The following DNAH7 variants were observed in gnomAD, a reference collection of about 807,000 sequenced individuals.
DNAH7 encodes axonemal beta dynein heavy chain 7.
In DNAH7, 397 loss-of-function variants were observed where a neutral mutation model predicts 444.6. The ratio of observed to expected loss-of-function variants is 0.89; its 90% CI spans 0.82 to 0.97. The LOEUF (loss-of-function observed/expected upper bound fraction) is 0.97, where lower values mean the gene tolerates loss of function less well. DNAH7 is among the 50% of genes least tolerant of loss of function. DNAH7 has a pLI of 0.00. For synonymous variants in DNAH7, 1,636 were observed against 1,624.4 expected (o/e 1.01, Z -0.17); for missense variants, 4,902 against 4,800.8 (o/e 1.02, Z -0.62).
At chr2:195,768,329 A>T (rs1011241853) in intron 61 of DNAH7, among the ~76,000 whole-genome samples, 1 of 151,260 alleles carries the variant, frequency 6.6e-6, no homozygotes, top group Non-Finnish European at 1.5e-5. Context: ...TCACAAATTG[A>T]GTCAAACAAT....
chr2:195,965,378 G>T (rs1442132624), intron 17 of DNAH7, among the ~76,000 whole-genome samples: 1 of 152,098 alleles, frequency 6.6e-6, no homozygotes, highest in Non-Finnish European at 1.5e-5. Flanking sequence ...CCAGTATTTT[G>T]TTGAGGATTT....
chr2:196,056,109 G>A (rs939026404), intron 2 of DNAH7, among the ~76,000 whole-genome samples: 8 of 152,168 alleles, frequency 5.3e-5, no homozygotes, highest in Non-Finnish European at 8.8e-5. Context: ...TTCCAGACAT[G>A]GCTGCAGTAA....
intron 33 of DNAH7, among the ~76,000 whole-genome samples, chr2:195,888,040 TTC>T (rs1350507488): frequency 2.0e-5 from 3 of 152,192 alleles, no homozygotes; most frequent in African/African-American, 7.2e-5. Flanking sequence ...GGCCTTTGAG[TTC>T]TCTTTTTTTT....
intron 12 of DNAH7, among the ~76,000 whole-genome samples, chr2:195,993,006 G>A (rs1444349428): frequency 2.0e-5 from 3 of 152,110 alleles, no homozygotes; most frequent in Non-Finnish European, 4.4e-5. Flanking sequence ...TCACACAATG[G>A]GAATGTCTTT....
chr2:195,823,718 C>T (rs1307739054), intron 49 of DNAH7, among the ~76,000 whole-genome samples: 3 of 152,046 alleles, frequency 2.0e-5, no homozygotes, highest in African/African-American at 7.2e-5. Context: ...AAGGTGTAGG[C>T]CATAAACCTA....
intron 59 of DNAH7, 48 bp from the exon 60 acceptor site, chr2:195,776,031 T>G: frequency 6.3e-7 from 1 of 1,599,322 alleles, no homozygotes; most frequent in Non-Finnish European, 8.5e-7. Context: ...ATCAATTACT[T>G]TCTAGAACTT....
intron 15 of DNAH7, among the ~76,000 whole-genome samples, chr2:195,974,201 A>C (rs1692037120): frequency 6.6e-6 from 1 of 152,230 alleles, no homozygotes; most frequent in Non-Finnish European, 1.5e-5. Context: ...TTCTAATTAG[A>C]CTAAATGCTT....
chr2:195,917,369 C>G (rs919164952), intron 24 of DNAH7, among the ~76,000 whole-genome samples: 1 of 152,146 alleles, frequency 6.6e-6, no homozygotes, highest in African/African-American at 2.4e-5. Flanking sequence ...AGTAAACACA[C>G]TGCACATGCT....
chr2:195,754,607 C>T (rs1462824508), intron 62 of DNAH7, 93 bp from the exon 63 acceptor site: 1 of 1,283,492 alleles, frequency 7.8e-7, no homozygotes, highest in African/African-American at 1.5e-5. Flanking sequence ...CCAGGCAGGG[C>T]TCAGGTGATC....
chr2:195,772,489 T>C (rs899760210), intron 60 of DNAH7, among the ~76,000 whole-genome samples: 3 of 152,212 alleles, frequency 2.0e-5, no homozygotes, highest in African/African-American at 7.2e-5. Flanking sequence ...ATTTTTGTTT[T>C]TTATATTTAT....
intron 47 of DNAH7, among the ~76,000 whole-genome samples, chr2:195,839,392 T>C (rs138038631): frequency 2.0e-5 from 3 of 151,896 alleles, no homozygotes; most frequent in Non-Finnish European, 3.0e-5. Flanking sequence ...GTGAAACATA[T>C]AGCATTAAGT....
At chr2:195,957,929 A>T (rs1466545462) in intron 18 of DNAH7, among the ~76,000 whole-genome samples, 3 of 152,098 alleles carry the variant, frequency 2.0e-5, no homozygotes, top group Non-Finnish European at 4.4e-5. Context: ...ATTCCCAATC[A>T]AGGGTACTCT....
intron 1 of DNAH7, 67 bp downstream of exon 1, chr2:196,068,630 C>G: frequency 6.5e-7 from 1 of 1,546,838 alleles, no homozygotes; most frequent in Non-Finnish European, 8.7e-7. Context: ...GAGGGGCTTC[C>G]ACCACTTCCG....
chr2:195,900,780 A>G (rs1260344836), intron 27 of DNAH7: 1 of 230,882 alleles, frequency 4.3e-6, no homozygotes, highest in Non-Finnish European at 8.6e-6. Context: ...CTATATTTTT[A>G]AATAGCTAAA....
rs945449037 is a variant in DNAH7 at position 195,861,783 on chromosome 2, T to C, written c.7670A>G (p.Tyr2557Cys). 6.2e-7 allele frequency: 1 copy of C among 1,613,618 alleles called. No homozygotes were observed. Among genetic ancestry groups the C allele is most frequent in the African/African-American group, 1.3e-5 (1 of 74,898 alleles). Residue 2557 changes from tyrosine to cysteine, a missense_variant, in exon 42 of 65, where the codon TAT becomes TGT. Transcript: ENST00000312428. ...SFFVELQRYN[Y>C]VTPTSYLELI... ...TTCGAGGTAAGAGGTAGGAGTCACATAATTGTATCTTTGAAGTTCAACAAA... is the reference window on the plus strand; with the variant it reads ...TTCGAGGTAAGAGGTAGGAGTCACACAATTGTATCTTTGAAGTTCAACAAA...
chr2:195,884,916 C>G (rs145822427), intron 34 of DNAH7, 107 bp from the exon 35 acceptor site: 3 of 877,202 alleles, frequency 3.4e-6, no homozygotes, highest in Non-Finnish European at 5.1e-6. Flanking sequence ...AAAGGAAACA[C>G]GTAAGCTCAA....
At chr2:195,825,981 T>C (rs1308941174) in intron 48 of DNAH7, among the ~76,000 whole-genome samples, 1 of 152,250 alleles carries the variant, frequency 6.6e-6, no homozygotes, top group Non-Finnish European at 1.5e-5. Flanking sequence ...TTTTATTTTC[T>C]ACTTGCATAA....
intron 22 of DNAH7, among the ~76,000 whole-genome samples, chr2:195,924,897 C>CT (rs1363738165): frequency 1.3e-5 from 2 of 152,142 alleles, no homozygotes; most frequent in Non-Finnish European, 2.9e-5. Context: ...ACAAAAAACA[C>CT]TGTGCTTAAG....
At chr2:196,004,108 A>G (rs1694212590) in intron 10 of DNAH7, among the ~76,000 whole-genome samples, 2 of 152,218 alleles carry the variant, frequency 1.3e-5, no homozygotes, top group South Asian at 4.1e-4. Context: ...AGTTAGATCT[A>G]TATTACAGAA....
Sources: gnomAD v4.1 joint callset for allele counts (sites outside exome capture counted in the v4.1 genomes callset) on GRCh38, gnomAD v4.1.1 for gene constraint, MANE v1.5 for transcripts, NCBI Gene and HGNC (gene_info 2026-07-23, HGNC 2026-07-21) for gene names.